SYT2: variants seen among roughly 807,000 people sequenced by gnomAD.
SYT2 encodes the protein synaptotagmin 2.
SYT2 carries 15 observed loss-of-function variants against 39.9 expected under a neutral mutation model. The observed-to-expected ratio is 0.38, with a 90% CI of 0.25 to 0.58. SYT2 has a LOEUF of 0.58. Among genes scored for constraint, SYT2 ranks in the 20% least tolerant of loss-of-function variants. The probability of loss-of-function intolerance (pLI) is 0.70; values close to 1 mark genes in which losing one functional copy is unlikely to be tolerated. For missense variants in SYT2, 389 were observed against 530.3 expected, an observed-to-expected ratio of 0.73 and a Z score of 2.62; for synonymous variants, 181 against 204.5, an observed-to-expected ratio of 0.89 and a Z score of 0.98.
chr1:202,618,589 CTGAG>C (rs1264557994), intron 1 of SYT2, among the ~76,000 whole-genome samples: 1 of 152,176 alleles, frequency 6.6e-6, no homozygotes, highest in Non-Finnish European at 1.5e-5. Flanking sequence ...TTTCACCTCT[CTGAG>C]TGTCAGACTT....
intron 1 of SYT2, among the ~76,000 whole-genome samples, chr1:202,633,886 G>A (rs927166858): frequency 2.0e-5 from 3 of 152,222 alleles, no homozygotes; most frequent in African/African-American, 4.8e-5. Flanking sequence ...GAAATGCAAG[G>A]TTTCTGGTCC....
intron 1 of SYT2, among the ~76,000 whole-genome samples, chr1:202,701,875 C>T (rs989025005): frequency 6.6e-6 from 1 of 152,160 alleles, no homozygotes; most frequent in Non-Finnish European, 1.5e-5. Context: ...ATGAGGACCC[C>T]GAAGTTCAGA....
chr1:202,667,915 G>A (rs529897948), intron 1 of SYT2, among the ~76,000 whole-genome samples: 100 of 152,260 alleles, frequency 6.6e-4, no homozygotes, highest in African/African-American at 2.3e-3. Flanking sequence ...GTTTCGCCAT[G>A]TTGCCCAGGC....
At chr1:202,617,714 C>G (rs1691085988) in intron 1 of SYT2, among the ~76,000 whole-genome samples, 3 of 152,282 alleles carry the variant, frequency 2.0e-5, no homozygotes, top group African/African-American at 4.8e-5. Flanking sequence ...ACCTGCTTTC[C>G]CAGCTCTCCA....
At chr1:202,709,391 T>C (rs1654335176) in intron 1 of SYT2, among the ~76,000 whole-genome samples, 1 of 152,168 alleles carries the variant, frequency 6.6e-6, no homozygotes. Context: ...TGAGGGGGCC[T>C]GGCTTAGTGG....
chr1:202,603,744 T>C (rs931587905), intron 3 of SYT2, among the ~76,000 whole-genome samples: 1 of 152,036 alleles, frequency 6.6e-6, no homozygotes, highest in Non-Finnish European at 1.5e-5. Flanking sequence ...CCCACATACA[T>C]ACACATACCT....
intron 1 of SYT2, among the ~76,000 whole-genome samples, chr1:202,705,689 A>G (rs1654230136): frequency 6.6e-6 from 1 of 151,436 alleles, no homozygotes; most frequent in Non-Finnish European, 1.5e-5. Flanking sequence ...AAGCTTCTAC[A>G]ATATCTACTG....
intron 1 of SYT2, among the ~76,000 whole-genome samples, chr1:202,624,837 GGT>G (rs145023801): frequency 7.8e-6 from 1 of 128,280 alleles, no homozygotes; most frequent in African/African-American, 2.9e-5. Context: ...TCTGTAGTAG[GGT>G]GTGTGTGGTG....
At chr1:202,661,115 T>C (rs1367928754) in intron 1 of SYT2, among the ~76,000 whole-genome samples, 1 of 152,136 alleles carries the variant, frequency 6.6e-6, no homozygotes, top group Non-Finnish European at 1.5e-5. Context: ...ATAATTTGTG[T>C]ATTCATTGAT....
chr1:202,684,149 G>T (rs2149113940), intron 1 of SYT2, among the ~76,000 whole-genome samples: 1 of 152,158 alleles, frequency 6.6e-6, no homozygotes, highest in South Asian at 2.1e-4. Context: ...AAGCAGATTA[G>T]CCTACCTGTC....
intron 1 of SYT2, among the ~76,000 whole-genome samples, chr1:202,635,254 T>C (rs1372771675): frequency 6.6e-6 from 1 of 152,100 alleles, no homozygotes; most frequent in Non-Finnish European, 1.5e-5. Flanking sequence ...CCCACACTCA[T>C]GGAAAGCAGG....
intron 1 of SYT2, among the ~76,000 whole-genome samples, chr1:202,634,413 A>G (rs1335252453): frequency 1.3e-5 from 2 of 152,128 alleles, no homozygotes; most frequent in Non-Finnish European, 2.9e-5. Context: ...GCTACTTGGG[A>G]GGCTGAGGCA....
At chr1:202,675,901 C>T (rs182119532) in intron 1 of SYT2, among the ~76,000 whole-genome samples, 14 of 152,350 alleles carry the variant, frequency 9.2e-5, no homozygotes, top group Middle Eastern at 3.4e-3. Context: ...GTGCATTACA[C>T]TGTGCTAAAC....
intron 1 of SYT2, among the ~76,000 whole-genome samples, chr1:202,708,306 TG>T (rs1285886531): frequency 2.0e-5 from 3 of 151,392 alleles, no homozygotes; most frequent in Non-Finnish European, 4.4e-5. Context: ...CCCAGCAGAG[TG>T]GTCTGGTCTC....
At chr1:202,686,693 A>G (rs940660630) in intron 1 of SYT2, among the ~76,000 whole-genome samples, 2 of 152,084 alleles carry the variant, frequency 1.3e-5, no homozygotes, top group African/African-American at 4.8e-5. Context: ...TGTCATTCCT[A>G]CGTCATTGTC....
chr1:202,682,538 G>C (rs1005960580), intron 1 of SYT2, among the ~76,000 whole-genome samples: 10 of 152,156 alleles, frequency 6.6e-5, no homozygotes, highest in African/African-American at 2.4e-4. Flanking sequence ...AACCTTAAAG[G>C]GGGTGGCTTG....
At chr1:202,608,402 G>A (rs1248575507) in intron 1 of SYT2, among the ~76,000 whole-genome samples, 6 of 151,314 alleles carry the variant, frequency 4.0e-5, no homozygotes, top group African/African-American at 9.7e-5. Flanking sequence ...TCAGCTTCCC[G>A]AGTAGCTGGG....
In SYT2 at chr1:202,614,380, T is replaced by C. The variant is rs1302387263; in HGVS notation, c.-17-8591A>G. Among the ~76,000 whole-genome samples the C allele has an allele frequency of 6.6e-6, 1 of 152,158 alleles. No individual in the cohort carries two copies. The highest frequency in any genetic ancestry group is 1.5e-5 in the Non-Finnish European group (1 of 68,034). ...ATGGGGAGTGGAGCAGGGAGGTTGG[T>C]TCCACAGACCAGAAATGGTAAAGAC... On this transcript the variant is annotated intron_variant, in intron 1 of 8. Transcript: ENST00000367268. The surrounding 1 kb of genome is among the most constrained non-coding windows in gnomAD (Gnocchi z 4.0).
chr1:202,602,971 C>T (rs762004627), intron 4 of SYT2, 28 bp downstream of exon 4: 6 of 1,535,336 alleles, frequency 3.9e-6, no homozygotes, highest in African/African-American at 1.7e-5. Flanking sequence ...CCCATTCCCC[C>T]ACTCTGCCCC....
Sources: gnomAD v4.1 joint callset for allele counts (sites outside exome capture counted in the v4.1 genomes callset) on GRCh38, gnomAD v4.1.1 for gene constraint, Gnocchi (gnomAD v3.1) non-coding constraint, MANE v1.5 for transcripts, NCBI Gene and HGNC (gene_info 2026-07-23, HGNC 2026-07-21) for gene names.